TGM4: variants seen among roughly 807,000 people sequenced by gnomAD.
TGM4 encodes the protein transglutaminase 4.
A neutral mutation model predicts 76.3 loss-of-function variants in TGM4; 61 were observed. That is an observed-to-expected ratio of 0.80 (90% CI 0.65 to 0.99). The LOEUF (loss-of-function observed/expected upper bound fraction) is 0.99, where lower values mean the gene tolerates loss of function less well. Among genes scored for constraint, TGM4 ranks in the 50% least tolerant of loss-of-function variants. The probability of loss-of-function intolerance (pLI) is 0.00; values close to 1 mark genes in which losing one functional copy is unlikely to be tolerated. For synonymous variants in TGM4, 337 were observed against 329.8 expected, an observed-to-expected ratio of 1.02 and a Z score of -0.24; for missense variants, 794 against 843.2, an observed-to-expected ratio of 0.94 and a Z score of 0.72.
At chr3:44,885,822 G>A (rs957147025) in intron 2 of TGM4, among the ~76,000 whole-genome samples, 4 of 152,164 alleles carry the variant, frequency 2.6e-5, no homozygotes, top group Non-Finnish European at 5.9e-5. Context: ...ACTGAGGTAT[G>A]CTGATGCCAT....
intron 10 of TGM4, among the ~76,000 whole-genome samples, chr3:44,909,378 T>TC (rs1387370638): frequency 1.3e-5 from 2 of 152,228 alleles, no homozygotes; most frequent in Non-Finnish European, 2.9e-5. Context: ...CGGCTTCTTT[T>TC]CCCCTCAACT....
intron 1 of TGM4, among the ~76,000 whole-genome samples, chr3:44,876,985 T>C (rs1699459307): frequency 6.6e-6 from 1 of 152,132 alleles, no homozygotes; most frequent in Non-Finnish European, 1.5e-5. Context: ...CAACCTTACT[T>C]GTAACGAGGG....
chr3:44,892,234 G>A lies in TGM4; in HGVS notation c.431-1343G>A, dbSNP rs183869293. On this transcript the variant is annotated intron_variant, in intron 4 of 13. Transcript: ENST00000296125. The stretch of plus-strand genomic sequence containing the variant: ...GATCACGCCACTGCACTCCAGCCTG[G>A]GTGACAGAGCGAGACTCTGTCTCAA... 9.2e-3 allele frequency among the ~76,000 whole-genome samples: 1,393 copies of A among 151,112 alleles called. 23 individuals are homozygous for A. The highest frequency in any genetic ancestry group is 0.03 in the African/African-American group (1,217 of 41,154).
intron 8 of TGM4, chr3:44,903,633 G>C (rs998007322): frequency 1.8e-5 from 9 of 505,210 alleles, no homozygotes; most frequent in African/African-American, 1.5e-4. Context: ...CCATAGGCAG[G>C]GTGACGGTCT....
In TGM4 at chr3:44,902,086, C is replaced by T. The variant is rs1699862905; in HGVS notation, c.971+155C>T. ...TTAGCCTCCCAGGTAGCTGTGATTC[C>T]AGGTGCAAGCCACCATGCGTGGCAT... is the stretch of plus-strand genomic sequence containing the variant. On this transcript the variant is annotated intron_variant, in intron 8 of 13. Transcript: ENST00000296125. Among the ~76,000 whole-genome samples the T allele has an allele frequency of 3.3e-5, 5 of 152,140 alleles. No individual in the cohort carries two copies. In the South Asian group the frequency reaches 1.0e-3, roughly 32 times the overall value.
rs1699996987 is a variant in TGM4 at position 44,910,986 on chromosome 3, C to T, written c.1635C>T (p.Ser545=). Residue 545 remains serine (S), a synonymous_variant, in exon 12 of 14, where the codon TCC becomes TCT. Coordinates refer to ENST00000296125, the MANE Select transcript of TGM4 (RefSeq NM_003241.4). ...QVSEVTLTLD[S]KTYINSLAIL... ...CAGAAGTGACTCTGACCTTGGACTCCAAGACCTACATCAACAGCCTGGCTA... is the reference window on the plus strand; with the variant it reads ...CAGAAGTGACTCTGACCTTGGACTCTAAGACCTACATCAACAGCCTGGCTA... 1.2e-6 allele frequency: 2 copies of T among 1,614,054 alleles called. No individual in the cohort carries two copies. Among genetic ancestry groups the T allele is most frequent in the Admixed American group, 3.3e-5 (2 of 60,004 alleles).
intron 1 of TGM4, among the ~76,000 whole-genome samples, chr3:44,880,435 G>T (rs1559608591): frequency 6.6e-6 from 1 of 152,304 alleles, no homozygotes; most frequent in African/African-American, 2.4e-5. Flanking sequence ...TTCATAACCG[G>T]TATGCATTCT....
intron 3 of TGM4, chr3:44,888,871 G>A (rs375468903): frequency 1.4e-4 from 21 of 152,194 alleles, no homozygotes; most frequent in East Asian, 9.7e-4. Flanking sequence ...GGGGTATGGG[G>A]AGTTAGCCTT....
At chr3:44,887,909 A>G in intron 3 of TGM4, 114 bp downstream of exon 3, 1 of 894,694 alleles carries the variant, frequency 1.1e-6, no homozygotes, top group South Asian at 1.5e-5. Flanking sequence ...GTTTAAAGCC[A>G]TCCACAGCAC....
Position 44,879,058 on chromosome 3 carries a change from G to C in TGM4, c.19+4361G>C, listed in dbSNP as rs557600229. Reference sequence around the variant, plus strand: ...TTTCTAGTTCACTGATTCTCTTTCAGTTATGTCTATTTGCTGTTTAACCTG... The same window carrying C: ...TTTCTAGTTCACTGATTCTCTTTCACTTATGTCTATTTGCTGTTTAACCTG... On this transcript the variant is annotated intron_variant, in intron 1 of 13. Transcript: ENST00000296125. 1.5e-3 allele frequency among the ~76,000 whole-genome samples: 223 copies of C among 151,706 alleles called. 2 individuals carry two copies. The highest frequency in any genetic ancestry group is 4.8e-3 in the African/African-American group (200 of 41,362).
chr3:44,902,842 C>A (rs773981291), intron 8 of TGM4, among the ~76,000 whole-genome samples: 11 of 152,066 alleles, frequency 7.2e-5, no homozygotes, highest in Non-Finnish European at 1.5e-4. Context: ...AAATTGACCA[C>A]AAGATAGAAA....
In TGM4 at chr3:44,890,394, T is replaced by G; in HGVS notation, c.301-209T>G. On this transcript the variant is annotated intron_variant, in intron 3 of 13. Transcript: ENST00000296125. ...GGCCCTTGCAAGACGTGCCAAAACT[T>G]CATGCTGTATGGAGCTGCTTTTCTG... The G allele has an allele frequency of 5.2e-6, 3 of 580,732 alleles. No homozygotes were observed. In the Admixed American group the frequency reaches 9.0e-5, roughly 17 times the overall value. The allele number at this position is 580,732 out of a possible 1,614,324, so 36.0% of individuals were successfully genotyped here.
chr3:44,913,591 C>T lies in TGM4; in HGVS notation c.1921C>T (p.Gln641Ter). 1 of 1,613,206 alleles carries T rather than the reference C, an allele frequency of 6.2e-7. No homozygotes were observed. Among genetic ancestry groups the T allele is most frequent in the South Asian group, 1.1e-5 (1 of 90,942 alleles). Residue 641 changes from glutamine to a stop codon, truncating the protein, a stop_gained, in exon 14 of 14, where the codon CAG becomes TAG. Coordinates refer to ENST00000296125, the MANE Select transcript of TGM4 (RefSeq NM_003241.4). LOFTEE classifies it low-confidence loss of function (END_TRUNC). ...TGTCTTTGAATTTTCCAGGACGGTG[C>T]AGCCTGGTGAGACCATCCAATCCCA... ...SLQTSDHGTV[Q>*]PGETIQSQIK...
intron 4 of TGM4, 128 bp from the exon 5 acceptor site, chr3:44,893,449 C>G (rs746794876): frequency 5.0e-6 from 4 of 792,168 alleles, no homozygotes; most frequent in African/African-American, 1.7e-5. Context: ...CTCCCTCCCC[C>G]AACATTGGGT....
intron 8 of TGM4, 116 bp from the exon 9 acceptor site, chr3:44,903,768 G>A (rs1699884952): frequency 2.1e-6 from 2 of 968,602 alleles, no homozygotes; most frequent in Non-Finnish European, 3.3e-6. Flanking sequence ...CCAAACCCCT[G>A]AGAACAACCT....
At chr3:44,896,895 C>T (rs1699786699) in intron 6 of TGM4, 79 bp downstream of exon 6, 1 of 1,221,092 alleles carries the variant, frequency 8.2e-7, no homozygotes, top group Admixed American at 1.8e-5. Context: ...CTCATCTAAA[C>T]TGTAAGCTCT....
chr3:44,893,451 A>C, intron 4 of TGM4, 126 bp from the exon 5 acceptor site: 1 of 804,792 alleles, frequency 1.2e-6, no homozygotes, highest in Non-Finnish European at 2.1e-6. Context: ...CCCTCCCCCA[A>C]CATTGGGTGT....
intron 5 of TGM4, among the ~76,000 whole-genome samples, chr3:44,894,651 C>T (rs1699755559): frequency 6.6e-6 from 1 of 151,346 alleles, no homozygotes; most frequent in Non-Finnish European, 1.5e-5. Flanking sequence ...ACCTCCCCTC[C>T]CCCAAGATTT....
intron 9 of TGM4, among the ~76,000 whole-genome samples, chr3:44,906,530 C>T (rs542987566): frequency 2.6e-5 from 4 of 152,314 alleles, no homozygotes; most frequent in Admixed American, 6.5e-5. Flanking sequence ...ATTTAATCTT[C>T]GCAATAGCCT....
Sources: allele counts gnomAD v4.1 joint callset (sites outside exome capture counted in the v4.1 genomes callset), GRCh38; gene constraint gnomAD v4.1.1; transcripts MANE v1.5; gene names NCBI Gene and HGNC (gene_info 2026-07-23, HGNC 2026-07-21).